The following CCDC30 variants were observed in gnomAD, a reference collection of about 807,000 sequenced individuals.
The protein encoded by CCDC30 is coiled-coil domain containing 30, also known as coiled-coil domain-containing protein 30.
Under a neutral mutation model 100.2 loss-of-function variants are expected in CCDC30, and 70 were observed. That is an observed-to-expected ratio of 0.70 (90% CI 0.58 to 0.85). The LOEUF is 0.85. Ranked by LOEUF, CCDC30 falls within the 40% of genes least tolerant of loss-of-function variation. CCDC30 has a pLI of 0.00. For synonymous variants in CCDC30, 233 were observed against 269.5 expected, an observed-to-expected ratio of 0.86 and a Z score of 1.33; for missense variants, 652 against 771.2, an observed-to-expected ratio of 0.85 and a Z score of 1.83.
intron 6 of CCDC30, chr1:42,529,859 C>T (rs1158746079): frequency 1.3e-5 from 2 of 152,184 alleles, no homozygotes; most frequent in South Asian, 2.1e-4. Flanking sequence ...TTTTCAGTTT[C>T]GCTTTCCACA....
chr1:42,525,642 AT>A, intron 6 of CCDC30, among the ~76,000 whole-genome samples: 1 of 152,300 alleles, frequency 6.6e-6, no homozygotes, highest in Admixed American at 6.5e-5. Context: ...TGAATTTTAT[AT>A]TGTCGAGGAC....
At chr1:42,644,927 A>G in intron 14 of CCDC30, 120 bp downstream of exon 18, 1 of 653,090 alleles carries the variant, frequency 1.5e-6, no homozygotes, top group Non-Finnish European at 2.7e-6. Context: ...GCCTCATGGT[A>G]GGCTGTGGCA....
At chr1:42,501,306 G>A (rs1644308416) in intron 6 of CCDC30, among the ~76,000 whole-genome samples, 1 of 152,128 alleles carries the variant, frequency 6.6e-6, no homozygotes. Context: ...ATTAAGGTTG[G>A]TGCCTTTATT....
At chr1:42,508,834 C>CT (rs1443963838) in intron 6 of CCDC30, among the ~76,000 whole-genome samples, 2 of 151,952 alleles carry the variant, frequency 1.3e-5, no homozygotes, top group African/African-American at 4.8e-5. Flanking sequence ...GAAAAAAGCC[C>CT]TTTTTCAAAA....
chr1:42,653,785 G>A (rs370675764), intron 16 of CCDC30, 33 bp from the exon 21 acceptor site: 4 of 1,530,784 alleles, frequency 2.6e-6, no homozygotes, highest in South Asian at 2.2e-5. Context: ...CAAACTCTAT[G>A]TACATGATGT....
At position 42,646,960 on chromosome 1, in the gene CCDC30, C is replaced by T. The variant is rs552343983; in HGVS notation, c.1854+643C>T. ...TAAAAATACAAAAAAATTAGCTGGG[C>T]GTGGTGGTATGTGCTTGTAATCCCA... is the stretch of plus-strand genomic sequence containing the variant. On this transcript the variant is annotated intron_variant, in intron 15 of 16. Transcript: ENST00000668663. Among the ~76,000 whole-genome samples, 11 of 151,990 alleles carry T rather than the reference C, an allele frequency of 7.2e-5. 1 individual carries two copies. Among genetic ancestry groups the T allele is most frequent in the Non-Finnish European group, 1.3e-4 (9 of 67,950 alleles).
intron 12 of CCDC30, 93 bp downstream of exon 16, chr1:42,637,471 C>A (rs1647183285): frequency 1.9e-5 from 21 of 1,130,666 alleles, no homozygotes; most frequent in Non-Finnish European, 2.5e-5. Context: ...TATTTGAGAC[C>A]CCTTCATAGT....
chr1:42,505,915 C>A (rs1170012348), intron 6 of CCDC30, among the ~76,000 whole-genome samples: 1 of 152,220 alleles, frequency 6.6e-6, no homozygotes, highest in African/African-American at 2.4e-5. Flanking sequence ...AGAAGAAATA[C>A]AGCCTTCCAG....
At chr1:42,615,530 C>T (rs145833051) in intron 11 of CCDC30, among the ~76,000 whole-genome samples, 1 of 152,046 alleles carries the variant, frequency 6.6e-6, no homozygotes, top group Non-Finnish European at 1.5e-5. Context: ...AGCTCCTGAC[C>T]TCAAATGATC....
chr1:42,473,044 G>A (rs1643820616), intron 1 of CCDC30: 1 of 1,199,992 alleles, frequency 8.3e-7, no homozygotes, highest in African/African-American at 1.6e-5. Flanking sequence ...GACTAAGGTG[G>A]CACCCACATA....
At position 42,523,289 on chromosome 1, in the gene CCDC30, T is replaced by C. The variant is rs188350169; in HGVS notation, c.456+24373T>C. On this transcript the variant is annotated intron_variant, in intron 6 of 16. Transcript: ENST00000668663. Reference sequence around the variant, plus strand: ...GTATAACGTAAACAACTTTACAGCTTTTCTCCCCCAGACATACCTAGGAAT... The same window carrying C: ...GTATAACGTAAACAACTTTACAGCTCTTCTCCCCCAGACATACCTAGGAAT... 2.6e-5 allele frequency among the ~76,000 whole-genome samples: 4 copies of C among 152,340 alleles called. No individual in the cohort carries two copies. In the East Asian group the frequency reaches 7.7e-4, roughly 29 times the overall value.
In CCDC30 at chr1:42,556,493, A is replaced by C. The variant is rs1316009755; in HGVS notation, c.457-9803A>C. Reference sequence around the variant, plus strand: ...CATCATTTTAAATACCATCATTCATATATATGTTTTTTTTTATTTTTTTAG... The same window carrying C: ...CATCATTTTAAATACCATCATTCATCTATATGTTTTTTTTTATTTTTTTAG... On this transcript the variant is annotated intron_variant, in intron 6 of 16. Transcript: ENST00000668663. 4.3e-6 allele frequency: 6 copies of C among 1,394,740 alleles called. No homozygotes were observed. In the African/African-American group the frequency reaches 8.7e-5, roughly 20 times the overall value. 86.4% of individuals were successfully genotyped at this position (1,394,740 alleles called of 1,614,324 possible). A position where few individuals can be genotyped will look rare whatever the true frequency, so the allele number is the denominator to read the frequency against.
At chr1:42,546,111 C>A (rs2148535528) in intron 6 of CCDC30, among the ~76,000 whole-genome samples, 1 of 151,572 alleles carries the variant, frequency 6.6e-6, no homozygotes, top group Admixed American at 6.6e-5. Context: ...GTTACATATG[C>A]ACAGTTGCTC....
chr1:42,461,172 G>A (rs1026650306), upstream of CCDC30, among the ~76,000 whole-genome samples: 2 of 152,158 alleles, frequency 1.3e-5, no homozygotes, highest in African/African-American at 4.8e-5. Context: ...AGTAGGGAAG[G>A]GTAGCCCCTG....
At chr1:42,475,112 A>G (rs58810437) in intron 1 of CCDC30, among the ~76,000 whole-genome samples, 1,982 of 152,230 alleles carry the variant, frequency 0.013, 42 homozygotes, top group African/African-American at 0.046. Context: ...AGAGATTGGG[A>G]CTGTCCCAGA....
intron 1 of CCDC30, among the ~76,000 whole-genome samples, chr1:42,472,177 C>T (rs1643791386): frequency 6.6e-6 from 1 of 152,018 alleles, no homozygotes; most frequent in South Asian, 2.1e-4. Context: ...TCACTTGAAC[C>T]CAGGAGGCAG....
intron 10 of CCDC30, among the ~76,000 whole-genome samples, chr1:42,599,909 G>A (rs944830343): frequency 7.2e-5 from 11 of 152,186 alleles, no homozygotes; most frequent in African/African-American, 2.7e-4. Flanking sequence ...GAGGCTTCAG[G>A]ATACTTACAA....
intron 10 of CCDC30, among the ~76,000 whole-genome samples, chr1:42,603,295 G>A (rs1646440156): frequency 6.6e-6 from 1 of 152,056 alleles, no homozygotes; most frequent in Non-Finnish European, 1.5e-5. Context: ...CCTTCAACTG[G>A]GAGCCCTTTT....
At chr1:42,544,851 A>C (rs943132523) in intron 6 of CCDC30, among the ~76,000 whole-genome samples, 3 of 152,296 alleles carry the variant, frequency 2.0e-5, no homozygotes, top group African/African-American at 7.2e-5. Context: ...CTTTTATATC[A>C]TAGTGGTTTG....
Sources: gnomAD v4.1 joint callset for allele counts (sites outside exome capture counted in the v4.1 genomes callset) on GRCh38, gnomAD v4.1.1 for gene constraint, MANE v1.5 for transcripts, NCBI Gene and HGNC (gene_info 2026-07-23, HGNC 2026-07-21) for gene names.